Variants in FAM110B observed in about 807,000 individuals in gnomAD.
The protein encoded by FAM110B is protein FAM110B.
In FAM110B, 6 loss-of-function variants were observed where a neutral mutation model predicts 20.4. The ratio of observed to expected loss-of-function variants is 0.29; its 90% CI spans 0.16 to 0.58. The LOEUF is 0.58. Ranked by LOEUF, FAM110B falls within the 20% of genes least tolerant of loss-of-function variation. FAM110B has a pLI of 0.90. For synonymous variants in FAM110B, 226 were observed against 214.1 expected (o/e 1.06, Z -0.49); for missense variants, 434 against 498.2 (o/e 0.87, Z 1.23).
chr8:58,131,895 T>A lies in FAM110B; in HGVS notation c.-324-14012T>A, dbSNP rs927642507. On this transcript the variant is annotated intron_variant, in intron 3 of 3. Coordinates refer to ENST00000519262, the MANE Select transcript of FAM110B (RefSeq NM_001377989.1). ...AAGTGATTCCCTTGAGGGCAGAGCT[T>A]AGGGGAAAGTTGCATTGCGTGGGTC... Among the ~76,000 whole-genome samples the A allele has an allele frequency of 7.2e-5, 11 of 152,278 alleles. No homozygotes were observed. The South Asian group carries it at 2.3e-3, about 32-fold the overall frequency.
At chr8:58,019,361 GGAAAGAAA>G (rs142262404) in intron 1 of FAM110B, among the ~76,000 whole-genome samples, 142 of 115,548 alleles carry the variant, frequency 1.2e-3, no homozygotes, top group African/African-American at 3.8e-3. Flanking sequence ...AAAAAAAAAA[GGAAAGAAA>G]GAAAGAAAGA....
intron 2 of FAM110B, among the ~76,000 whole-genome samples, chr8:58,049,744 G>A (rs2150580278): frequency 6.6e-6 from 1 of 152,288 alleles, no homozygotes; most frequent in South Asian, 2.1e-4. Flanking sequence ...ATCAGATGCA[G>A]AATATTTGTA....
rs140504577 is a variant in FAM110B, at chr8:58,081,952, A to C, written c.-325+6329A>C. 8.1e-3 allele frequency among the ~76,000 whole-genome samples: 1,236 copies of C among 152,292 alleles called. 7 individuals carry two copies. The highest frequency in any genetic ancestry group is 0.012 in the Non-Finnish European group (810 of 68,024). The stretch of plus-strand genomic sequence containing the variant: ...TGCTGTCTGTGAGGGTTTATGTGTT[A>C]TCTCTTAAATTGTATGATCAATTTA... On this transcript the variant is annotated intron_variant, in intron 3 of 3. Transcript: ENST00000519262.
chr8:58,052,730 G>A (rs1158450734), intron 2 of FAM110B, among the ~76,000 whole-genome samples: 1 of 147,468 alleles, frequency 6.8e-6, no homozygotes, highest in Non-Finnish European at 1.5e-5. Context: ...CCTTGCAATG[G>A]GTGGTTATAA....
intron 1 of FAM110B, among the ~76,000 whole-genome samples, chr8:58,018,315 A>G (rs910882481): frequency 2.6e-5 from 4 of 152,162 alleles, no homozygotes; most frequent in African/African-American, 7.2e-5. Context: ...GGTCTTTATA[A>G]TAATTGACTC....
chr8:58,097,738 G>A (rs1427413170), intron 3 of FAM110B, among the ~76,000 whole-genome samples: 1 of 152,200 alleles, frequency 6.6e-6, no homozygotes, highest in Admixed American at 6.5e-5. Context: ...TGGTATGGAT[G>A]TCCTTTTTGT....
At chr8:58,014,244 G>C (rs207469219) in intron 1 of FAM110B, among the ~76,000 whole-genome samples, 1 of 152,148 alleles carries the variant, frequency 6.6e-6, no homozygotes, top group African/African-American at 2.4e-5. Context: ...GGACTGCGCA[G>C]GGTACTCCCT....
chr8:58,126,793 G>A lies in FAM110B; in HGVS notation c.-324-19114G>A, dbSNP rs149992839. On this transcript the variant is annotated intron_variant, in intron 3 of 3. Transcript: ENST00000519262. ...TTCTGAGAACTCTTTGTATGTTCTA[G>A]ATATGAGCCCTTTGTCAGATGTATA... 4.4e-3 allele frequency among the ~76,000 whole-genome samples: 667 copies of A among 152,152 alleles called. 9 individuals are homozygous for A. The highest frequency in any genetic ancestry group is 0.03 in the South Asian group (143 of 4,816).
intron 3 of FAM110B, among the ~76,000 whole-genome samples, chr8:58,122,779 A>C (rs1807396099): frequency 6.6e-6 from 1 of 151,586 alleles, no homozygotes; most frequent in African/African-American, 2.4e-5. Context: ...TGATTATTTG[A>C]GTAGTCTCTG....
chr8:58,146,798 G>C lies in FAM110B; in HGVS notation c.568G>C (p.Ala190Pro). 2 of 1,610,282 alleles carry C rather than the reference G, an allele frequency of 1.2e-6. No homozygotes were observed. The highest frequency in any genetic ancestry group is 2.2e-5 in the East Asian group (1 of 44,796). ...GGGCAGGAGACTGCTGGAGCAGTCA[G>C]CCGAGTCCTTCCTCCACGTGTCCCA... ...HVGRRLLEQS[A>P]ESFLHVSHSS... Residue 190 changes from alanine (A) to proline (P), a missense_variant, in exon 4 of 4, where the codon GCC becomes CCC. Coordinates refer to ENST00000519262, the MANE Select transcript of FAM110B (RefSeq NM_001377989.1).
intron 1 of FAM110B, among the ~76,000 whole-genome samples, chr8:58,030,483 C>T (rs1327057662): frequency 1.3e-5 from 2 of 152,172 alleles, no homozygotes; most frequent in African/African-American, 4.8e-5. Flanking sequence ...CTTCCTAATA[C>T]ATGTTTAGTG....
intron 2 of FAM110B, among the ~76,000 whole-genome samples, chr8:58,061,227 A>G (rs1450901617): frequency 6.6e-6 from 1 of 152,200 alleles, no homozygotes; most frequent in African/African-American, 2.4e-5. Context: ...CATTGAAAAT[A>G]CCATCAAGCT....
At chr8:58,118,386 A>C (rs1023602755) in intron 3 of FAM110B, among the ~76,000 whole-genome samples, 4 of 152,240 alleles carry the variant, frequency 2.6e-5, no homozygotes, top group Non-Finnish European at 2.9e-5. Context: ...ATTCCAGGAC[A>C]TTAGGATTTC....
At chr8:58,080,608 C>G (rs140248038) in intron 3 of FAM110B, among the ~76,000 whole-genome samples, 85 of 152,238 alleles carry the variant, frequency 5.6e-4, no homozygotes, top group African/African-American at 2.0e-3. Context: ...TTGCCAGGAC[C>G]CTGTGTTTAG....
intron 3 of FAM110B, among the ~76,000 whole-genome samples, chr8:58,091,010 GC>G (rs1286185119): frequency 6.6e-6 from 1 of 152,090 alleles, no homozygotes; most frequent in African/African-American, 2.4e-5. Context: ...AATCCTTACA[GC>G]CCCTTGGTCT....
At chr8:58,055,213 C>T (rs577096828) in intron 2 of FAM110B, among the ~76,000 whole-genome samples, 9 of 152,208 alleles carry the variant, frequency 5.9e-5, no homozygotes, top group Middle Eastern at 3.4e-3. Context: ...CAGAGAGCAG[C>T]GTGGTTTCAC....
At chr8:58,019,172 T>TA (rs766360370) in intron 1 of FAM110B, among the ~76,000 whole-genome samples, 10 of 143,516 alleles carry the variant, frequency 7.0e-5, no homozygotes, top group Admixed American at 2.7e-4. Flanking sequence ...CCATCTACAC[T>TA]AAAAAAAATA....
intron 3 of FAM110B, among the ~76,000 whole-genome samples, chr8:58,099,616 G>A (rs538837534): frequency 7.8e-4 from 118 of 152,242 alleles, no homozygotes; most frequent in South Asian, 3.1e-3. Flanking sequence ...CATCTGGGCA[G>A]ATTTAGTACT....
intron 3 of FAM110B, among the ~76,000 whole-genome samples, chr8:58,076,084 C>G (rs757640311): frequency 6.6e-6 from 1 of 152,096 alleles, no homozygotes; most frequent in Admixed American, 6.5e-5. Flanking sequence ...CCACCTCCTG[C>G]GTAATTAAGC....
Sources: gnomAD v4.1 joint callset for allele counts (sites outside exome capture counted in the v4.1 genomes callset) on GRCh38, gnomAD v4.1.1 for gene constraint, MANE v1.5 for transcripts, NCBI Gene and HGNC (gene_info 2026-07-23, HGNC 2026-07-21) for gene names.